SNRPN: variants seen among roughly 807,000 people sequenced by gnomAD.
SNRPN encodes the protein small nuclear ribonucleoprotein polypeptide N.
A neutral mutation model predicts 25.2 loss-of-function variants in SNRPN; 7 were observed. The observed-to-expected ratio is 0.28, with a 90% CI of 0.16 to 0.52. The LOEUF is 0.52. Ranked by LOEUF, SNRPN falls within the 20% of genes least tolerant of loss-of-function variation. The probability of loss-of-function intolerance (pLI) is 0.96; values close to 1 mark genes in which losing one functional copy is unlikely to be tolerated. For synonymous variants in SNRPN, 124 were observed against 110.6 expected (o/e 1.12, Z -0.76); for missense variants, 196 against 322.5 (o/e 0.61, Z 3.00).
At chr15:24,846,531 G>T (rs1257837301) in intron 2 of SNRPN, among the ~76,000 whole-genome samples, 1 of 152,208 alleles carries the variant, frequency 6.6e-6, no homozygotes, top group Non-Finnish European at 1.5e-5. Context: ...TCCACAAAAT[G>T]CATGGGCATA....
chr15:24,893,596 T>A (rs1226169219), intron 2 of SNRPN, among the ~76,000 whole-genome samples: 2 of 152,100 alleles, frequency 1.3e-5, no homozygotes, highest in African/African-American at 4.8e-5. Context: ...CCAGCCTGGG[T>A]GACAGAGCAA....
rs79239331 is a variant in SNRPN, at chr15:24,863,063, A to G, written c.-579+6347A>G. On this transcript the variant is annotated intron_variant, in intron 1 of 11. Transcript: ENST00000400097. ...TTTTCTTCTTTTAAGTGTTACTCAC[A>G]ATCCATGAGATCTACTGACAAGGAA... 5.6e-4 allele frequency among the ~76,000 whole-genome samples: 84 copies of G among 150,962 alleles called. 2 individuals are homozygous for G. The East Asian group carries it at 0.016, about 28-fold the overall frequency.
At chr15:24,854,396 C>A (rs1307103415), upstream of SNRPN, among the ~76,000 whole-genome samples, 1 of 152,102 alleles carries the variant, frequency 6.6e-6, no homozygotes, top group African/African-American at 2.4e-5. Context: ...GTAGATCACC[C>A]TCTATATGAT....
chr15:24,908,052 CAAAAAAA>C (rs71127014), intron 2 of SNRPN, among the ~76,000 whole-genome samples: 43 of 70,712 alleles, frequency 6.1e-4, no homozygotes, highest in African/African-American at 1.7e-3. Context: ...GACTCCATCT[CAAAAAAA>C]AAAAAAAAAA....
At chr15:24,968,192 A>T in intron 3 of SNRPN, 110 bp downstream of exon 3, 2 of 682,106 alleles carry the variant, frequency 2.9e-6, no homozygotes, top group Non-Finnish European at 5.1e-6. Context: ...AGAGCTTCAT[A>T]CAATAAACAC....
intron 2 of SNRPN, among the ~76,000 whole-genome samples, chr15:24,898,523 G>C (rs892347698): frequency 6.6e-6 from 1 of 151,918 alleles, no homozygotes; most frequent in Admixed American, 6.6e-5. Context: ...GGGAGGCAGA[G>C]GTTGCAATGA....
At chr15:24,978,008 G>A (rs558748732) in intron 8 of SNRPN, 92 bp downstream of exon 8, 4 of 1,303,404 alleles carry the variant, frequency 3.1e-6, no homozygotes, top group Admixed American at 4.7e-5. Context: ...TAAGAATTTG[G>A]GGAATATGCT....
chr15:24,867,205 AC>A (rs1437285198), intron 1 of SNRPN, among the ~76,000 whole-genome samples: 1 of 152,046 alleles, frequency 6.6e-6, no homozygotes, highest in Non-Finnish European at 1.5e-5. Flanking sequence ...GGGCCTCTAT[AC>A]TTTTTTCGAT....
chr15:24,878,088 G>A (rs1354131172), intron 1 of SNRPN, among the ~76,000 whole-genome samples: 1 of 152,192 alleles, frequency 6.6e-6, no homozygotes, highest in African/African-American at 2.4e-5. Context: ...TTGAGTAAAT[G>A]AGTGTGTGTT....
rs1400918707 is a variant in SNRPN at position 24,872,866 on chromosome 15, C to T, written c.-578-13650C>T. ...CAGCCTGGGTGACAGAGCGAGACTC[C>T]GTCTCAAAAAAAAAAAAAAAAAAAA... On this transcript the variant is annotated intron_variant, in intron 1 of 11. Coordinates refer to the SNRPN transcript ENST00000400097. Among the ~76,000 whole-genome samples, 6 of 81,444 alleles carry T rather than the reference C, an allele frequency of 7.4e-5. 1 individual carries two copies. The highest frequency in any genetic ancestry group is 1.7e-4 in the African/African-American group (4 of 23,150). 53.4% of individuals were successfully genotyped at this position (81,444 alleles called of 152,430 possible). A position where few individuals can be genotyped will look rare whatever the true frequency, so the allele number is the denominator to read the frequency against.
intron 6 of SNRPN, 50 bp downstream of exon 6, chr15:24,976,466 A>G (rs1877371514): frequency 8.4e-7 from 1 of 1,186,946 alleles, no homozygotes; most frequent in Non-Finnish European, 1.2e-6. Context: ...GGGACATCAT[A>G]TTATGTGAGA....
upstream of SNRPN, among the ~76,000 whole-genome samples, chr15:24,852,537 C>T (rs1408824837): frequency 3.3e-5 from 5 of 152,174 alleles, no homozygotes; most frequent in Non-Finnish European, 2.9e-5. Flanking sequence ...GATGGTTTCT[C>T]ATAATTAGAC....
intron 2 of SNRPN, among the ~76,000 whole-genome samples, chr15:24,902,166 G>A (rs2058500515): frequency 1.3e-5 from 2 of 152,162 alleles, no homozygotes; most frequent in Admixed American, 6.5e-5. Context: ...GTGGTAGATG[G>A]AGAGGTGAAT....
chr15:24,940,105 T>A (rs1284003674), intron 3 of SNRPN, among the ~76,000 whole-genome samples: 1 of 152,192 alleles, frequency 6.6e-6, no homozygotes, highest in Admixed American at 6.5e-5. Flanking sequence ...GTCTTATATC[T>A]ATTCGGACTA....
intron 1 of SNRPN, among the ~76,000 whole-genome samples, chr15:24,878,254 C>T (rs2056182287): frequency 6.6e-6 from 1 of 152,216 alleles, no homozygotes; most frequent in Non-Finnish European, 1.5e-5. Flanking sequence ...GCTCCTGAAG[C>T]CCCACGGGTC....
At chr15:24,943,403 G>A (rs1035484319) in intron 3 of SNRPN, among the ~76,000 whole-genome samples, 1 of 152,084 alleles carries the variant, frequency 6.6e-6, no homozygotes, top group Non-Finnish European at 1.5e-5. Context: ...TCTGATTGAA[G>A]GGAACCCCCC....
intron 3 of SNRPN, among the ~76,000 whole-genome samples, chr15:24,930,930 G>T (rs867206196): frequency 4.6e-5 from 7 of 151,648 alleles, no homozygotes; most frequent in Non-Finnish European, 1.0e-4. Context: ...GCCAGGCATG[G>T]TGGTGCACAC....
chr15:24,961,972 A>C, intron 1 of SNRPN, 142 bp from the exon 2 acceptor site: 1 of 802,068 alleles, frequency 1.2e-6, no homozygotes, highest in Non-Finnish European at 2.1e-6. Flanking sequence ...TGAAGGTTAA[A>C]GATCTTGTAA....
At chr15:24,887,530 G>A (rs952861182) in intron 2 of SNRPN, among the ~76,000 whole-genome samples, 2 of 152,028 alleles carry the variant, frequency 1.3e-5, no homozygotes, top group Non-Finnish European at 2.9e-5. Flanking sequence ...TGGGTTGGGT[G>A]TGGTGGCTCA....
Sources: allele counts gnomAD v4.1 joint callset (sites outside exome capture counted in the v4.1 genomes callset), GRCh38; gene constraint gnomAD v4.1.1; transcripts MANE v1.5; gene names NCBI Gene and HGNC (gene_info 2026-07-23, HGNC 2026-07-21).